Variants in FAM53B observed in about 807,000 individuals in gnomAD.
FAM53B encodes protein FAM53B.
A neutral mutation model predicts 32.7 loss-of-function variants in FAM53B; 12 were observed. That is an observed-to-expected ratio of 0.37 (90% CI 0.24 to 0.59). The LOEUF is 0.59. Ranked by LOEUF, FAM53B falls within the 20% of genes least tolerant of loss-of-function variation. The pLI is 0.72. For synonymous variants in FAM53B, 234 were observed against 228.7 expected, an observed-to-expected ratio of 1.02 and a Z score of -0.21; for missense variants, 477 against 577.7, an observed-to-expected ratio of 0.83 and a Z score of 1.79.
chr10:124,664,883 G>C (rs1166598307), intron 4 of FAM53B, among the ~76,000 whole-genome samples: 1 of 152,196 alleles, frequency 6.6e-6, no homozygotes, highest in Non-Finnish European at 1.5e-5. Context: ...GCTTCTTTCT[G>C]CTGCTGCTCG....
chr10:124,710,788 G>A (rs945244840), intron 1 of FAM53B, among the ~76,000 whole-genome samples: 1 of 152,124 alleles, frequency 6.6e-6, no homozygotes, highest in Non-Finnish European at 1.5e-5. Flanking sequence ...AAGCCAGATT[G>A]AATTATCCCC....
chr10:124,632,424 G>C, intron 4 of FAM53B, among the ~76,000 whole-genome samples: 1 of 152,328 alleles, frequency 6.6e-6, no homozygotes, highest in Non-Finnish European at 1.5e-5. Context: ...GGGTTCTGGC[G>C]GGGGGCCGAG....
intron 4 of FAM53B, among the ~76,000 whole-genome samples, chr10:124,634,300 C>T (rs371934431): frequency 7.2e-5 from 11 of 152,308 alleles, no homozygotes; most frequent in South Asian, 6.2e-4. Flanking sequence ...GGAAGCCAGA[C>T]GCAAAAGGCC....
chr10:124,661,741 C>T (rs1024879782), intron 4 of FAM53B, among the ~76,000 whole-genome samples: 5 of 152,228 alleles, frequency 3.3e-5, no homozygotes, highest in Admixed American at 2.0e-4. Flanking sequence ...TTACTGCCCC[C>T]GTTTGGACAC....
At chr10:124,649,605 G>C (rs1949543084) in intron 4 of FAM53B, among the ~76,000 whole-genome samples, 1 of 152,208 alleles carries the variant, frequency 6.6e-6, no homozygotes, top group South Asian at 2.1e-4. Flanking sequence ...TCCAGACCAA[G>C]CCTCAGTCTG....
At chr10:124,647,878 C>A (rs967974041) in intron 4 of FAM53B, among the ~76,000 whole-genome samples, 1 of 152,200 alleles carries the variant, frequency 6.6e-6, no homozygotes, top group Non-Finnish European at 1.5e-5. Context: ...TCCTACAAAG[C>A]CCAGAACAGC....
chr10:124,702,403 G>C (rs905263594), intron 2 of FAM53B, among the ~76,000 whole-genome samples: 2 of 152,210 alleles, frequency 1.3e-5, no homozygotes, highest in Non-Finnish European at 2.9e-5. Flanking sequence ...GCAAATGCTA[G>C]CATCAGCTTA....
At chr10:124,736,374 G>A (rs956475990) in intron 1 of FAM53B, among the ~76,000 whole-genome samples, 1 of 152,224 alleles carries the variant, frequency 6.6e-6, no homozygotes, top group East Asian at 1.9e-4. Context: ...GGGCTTCCCC[G>A]CATCCTGCAC....
intron 3 of FAM53B, among the ~76,000 whole-genome samples, chr10:124,684,047 G>A (rs910382868): frequency 6.6e-6 from 1 of 152,232 alleles, no homozygotes; most frequent in Non-Finnish European, 1.5e-5. Context: ...GGTCAGCAGA[G>A]CTAACGGTGG....
chr10:124,657,561 A>C (rs1949601342), intron 4 of FAM53B, among the ~76,000 whole-genome samples: 1 of 152,190 alleles, frequency 6.6e-6, no homozygotes, highest in Non-Finnish European at 1.5e-5. Context: ...TTACATTTCC[A>C]AACTATATTT....
At chr10:124,703,681 A>T (rs1027850505) in intron 2 of FAM53B, 1 of 152,612 alleles carries the variant, frequency 6.6e-6, no homozygotes, top group African/African-American at 2.4e-5. Context: ...GAGGAGGAAG[A>T]CCACAGATGG....
chr10:124,725,529 C>A (rs1457219684), intron 1 of FAM53B, among the ~76,000 whole-genome samples: 22 of 152,216 alleles, frequency 1.4e-4, no homozygotes. Flanking sequence ...TACAGGGTAA[C>A]CTGCTGTGTC....
Position 124,651,560 on chromosome 10 carries a change from T to C in FAM53B, c.907-27956A>G, listed in dbSNP as rs1449813252. On this transcript the variant is annotated intron_variant, in intron 4 of 4. Transcript: ENST00000337318. This position sits in a 1 kb window ranked among gnomAD's most constrained non-coding sequence, Gnocchi z 5.2. ...AATCCCACACACGGCACCAGGGACC[T>C]GGACTATGCACCCCACTCCTCCTGC... is the stretch of plus-strand genomic sequence containing the variant. Among the ~76,000 whole-genome samples the C allele has an allele frequency of 6.6e-6, 1 of 152,160 alleles. No homozygotes were observed. Among genetic ancestry groups the C allele is most frequent in the East Asian group, 1.9e-4 (1 of 5,196 alleles).
At chr10:124,697,589 G>C (rs1380917110) in intron 2 of FAM53B, among the ~76,000 whole-genome samples, 1 of 152,138 alleles carries the variant, frequency 6.6e-6, no homozygotes, top group African/African-American at 2.4e-5. Context: ...AGGTGAAGGA[G>C]GGCTCACTCT....
intron 1 of FAM53B, among the ~76,000 whole-genome samples, chr10:124,724,446 A>C (rs1470505324): frequency 1.3e-5 from 2 of 152,046 alleles, no homozygotes; most frequent in Admixed American, 1.3e-4. Context: ...ACAAGCCGCC[A>C]CCCTGCTCTC....
At chr10:124,643,419 T>C (rs1023283350) in intron 4 of FAM53B, among the ~76,000 whole-genome samples, 1 of 152,254 alleles carries the variant, frequency 6.6e-6, no homozygotes, top group African/African-American at 2.4e-5. Context: ...GGCGCGGTGA[T>C]TGCGCCTGGC....
intron 1 of FAM53B, among the ~76,000 whole-genome samples, chr10:124,732,589 T>A (rs1473854634): frequency 6.6e-6 from 1 of 152,254 alleles, no homozygotes; most frequent in Admixed American, 6.5e-5. Context: ...CCAGGGGCAG[T>A]GGCTCACACC....
intron 3 of FAM53B, among the ~76,000 whole-genome samples, chr10:124,684,730 G>A (rs1206412588): frequency 1.3e-5 from 2 of 152,020 alleles, no homozygotes; most frequent in African/African-American, 4.8e-5. Flanking sequence ...TGTTGGCCAG[G>A]CTGGTCTCAA....
chr10:124,661,396 GC>G (rs1351386023), intron 4 of FAM53B, among the ~76,000 whole-genome samples: 1 of 152,204 alleles, frequency 6.6e-6, no homozygotes, highest in Non-Finnish European at 1.5e-5. Flanking sequence ...GCCCATGGCT[GC>G]CCTCTAACCC....
Sources: gnomAD v4.1 joint callset for allele counts (sites outside exome capture counted in the v4.1 genomes callset) on GRCh38, gnomAD v4.1.1 for gene constraint, Gnocchi (gnomAD v3.1) non-coding constraint, MANE v1.5 for transcripts, NCBI Gene and HGNC (gene_info 2026-07-23, HGNC 2026-07-21) for gene names.